TMEM230: variants seen among roughly 807,000 people sequenced by gnomAD.
The protein encoded by TMEM230 is transmembrane protein 230.
A neutral mutation model predicts 15.8 loss-of-function variants in TMEM230; 10 were observed. The ratio of observed to expected loss-of-function variants is 0.63; its 90% CI spans 0.39 to 1.07. The LOEUF is 1.07. TMEM230 is among the 50% of genes least tolerant of loss of function. TMEM230 has a pLI of 0.01. For synonymous variants in TMEM230, 67 were observed against 76.9 expected (o/e 0.87, Z 0.68); for missense variants, 165 against 193.3 (o/e 0.85, Z 0.87).
intron 3 of TMEM230, among the ~76,000 whole-genome samples, chr20:5,091,806 T>C (rs1250726847): frequency 1.3e-5 from 2 of 152,180 alleles, no homozygotes; most frequent in African/African-American, 4.8e-5. Context: ...TCAAGGTGAC[T>C]TGATATGCAA....
At chr20:5,068,304 T>C (rs2088712190), downstream of TMEM230, 1 of 152,192 alleles carries the variant, frequency 6.6e-6, no homozygotes. Flanking sequence ...CTGGAAAACG[T>C]AGCTTTTCTA....
At chr20:5,092,273 GA>G (rs2089531315) in intron 3 of TMEM230, among the ~76,000 whole-genome samples, 1 of 152,184 alleles carries the variant, frequency 6.6e-6, no homozygotes, top group African/African-American at 2.4e-5. Context: ...TCGATGTTCA[GA>G]ATGAGGAGTC....
chr20:5,094,682 G>T (rs1375841488), intron 3 of TMEM230, among the ~76,000 whole-genome samples: 1 of 127,748 alleles, frequency 7.8e-6, no homozygotes, highest in Non-Finnish European at 1.6e-5. Context: ...ACTCCAGCCT[G>T]GGACAGAGCT....
intron 3 of TMEM230, among the ~76,000 whole-genome samples, chr20:5,082,222 TTCTCTCTCTCTTTCTCTCTC>T (rs1463971902): frequency 8.3e-6 from 1 of 120,378 alleles, no homozygotes; most frequent in African/African-American, 2.7e-5. Flanking sequence ...AAAGCCTTGT[TTCTCTCTCTCTTTCTCTCTC>T]TCTCTCTCTC....
At chr20:5,075,134 C>T (rs1442428541) in intron 3 of TMEM230, among the ~76,000 whole-genome samples, 3 of 151,078 alleles carry the variant, frequency 2.0e-5, no homozygotes, top group South Asian at 2.1e-4. Flanking sequence ...GGCACGATCT[C>T]GGCTCACTGC....
At chr20:5,083,363 A>G (rs2089240776) in intron 3 of TMEM230, among the ~76,000 whole-genome samples, 1 of 139,514 alleles carries the variant, frequency 7.2e-6, no homozygotes, top group South Asian at 2.2e-4. Flanking sequence ...CTCTCTCTCT[A>G]TTGAGAGAGT....
downstream of TMEM230, among the ~76,000 whole-genome samples, chr20:5,063,277 A>ATTTTTTTTTTTTTTTT (rs1165126313): frequency 1.2e-5 from 1 of 86,412 alleles, no homozygotes; most frequent in African/African-American, 5.6e-5. Context: ...GCTGCTATGA[A>ATTTTTTTTTTTTTTTT]TTTTTTTTTT....
intron 4 of TMEM230, among the ~76,000 whole-genome samples, chr20:5,101,309 C>T (rs769232337): frequency 2.0e-5 from 3 of 152,182 alleles, no homozygotes; most frequent in Non-Finnish European, 4.4e-5. Context: ...TACCTAACTG[C>T]CCCACATACA....
At chr20:5,061,836 T>C in the TMEM230 span, among the ~76,000 whole-genome samples, 2 of 152,148 alleles carry the variant, frequency 1.3e-5, no homozygotes, top group East Asian at 1.9e-4. Flanking sequence ...GTTCACAGCA[T>C]CTGTTCCGGA....
At chr20:5,059,431 A>C in the TMEM230 span, among the ~76,000 whole-genome samples, 15 of 152,264 alleles carry the variant, frequency 9.9e-5, no homozygotes, top group African/African-American at 3.6e-4. Context: ...TGCAAAAAAA[A>C]CTTGTATGTA....
the TMEM230 span, among the ~76,000 whole-genome samples, chr20:5,062,138 C>A: frequency 6.6e-6 from 1 of 151,862 alleles, no homozygotes; most frequent in African/African-American, 2.4e-5. Context: ...GAGAGAATCG[C>A]TTGAGCCTAG....
At chr20:5,112,696 C>A (rs1274004694) in intron 1 of TMEM230, 1 of 1,415,502 alleles carries the variant, frequency 7.1e-7, no homozygotes, top group African/African-American at 1.4e-5. Context: ...AAACGTTTGG[C>A]ACACAGTGCC....
exon 4 of TMEM230, chr20:5,069,166 T>C (rs1337323288): frequency 6.6e-7 from 1 of 1,512,490 alleles, no homozygotes; most frequent in South Asian, 1.2e-5. Context: ...AAGATGCTTA[T>C]CTCAAATTAG....
chr20:5,061,989 G>A, the TMEM230 span, among the ~76,000 whole-genome samples: 1 of 152,100 alleles, frequency 6.6e-6, no homozygotes, highest in Non-Finnish European at 1.5e-5. Context: ...GAGAGGCCGA[G>A]GCGGGCAGAT....
At chr20:5,112,934 C>A (rs766381879) in intron 1 of TMEM230, 27 bp downstream of exon 1, 13 of 1,549,518 alleles carry the variant, frequency 8.4e-6, no homozygotes, top group Non-Finnish European at 1.0e-5. Context: ...ACGGTTCTGT[C>A]CCCGCCCTGC....
intron 1 of TMEM230, among the ~76,000 whole-genome samples, chr20:5,112,545 G>A (rs116086359): frequency 1.9e-3 from 290 of 152,336 alleles, no homozygotes; most frequent in African/African-American, 6.5e-3. Context: ...TCTTGGCAAA[G>A]AGGATTCTAA....
chr20:5,110,409 T>C (rs2090265726), intron 2 of TMEM230, among the ~76,000 whole-genome samples: 1 of 151,940 alleles, frequency 6.6e-6, no homozygotes, highest in Admixed American at 6.6e-5. Flanking sequence ...CTCAGCCTCC[T>C]GAGTAGCTGG....
chr20:5,077,066 G>A (rs2089026290), intron 3 of TMEM230, among the ~76,000 whole-genome samples: 1 of 151,842 alleles, frequency 6.6e-6, no homozygotes, highest in Admixed American at 6.6e-5. Flanking sequence ...AGCACTTTGA[G>A]AGGCCAAGGC....
chr20:5,097,969 A>ATTT (rs5840073), downstream of TMEM230, among the ~76,000 whole-genome samples: 97 of 67,252 alleles, frequency 1.4e-3, 17 homozygotes, highest in East Asian at 9.8e-3. Flanking sequence ...CTAACTCAGG[A>ATTT]TTTTTTTTTT....
Sources: allele counts gnomAD v4.1 joint callset (sites outside exome capture counted in the v4.1 genomes callset), GRCh38; gene constraint gnomAD v4.1.1; transcripts MANE v1.5; gene names NCBI Gene and HGNC (gene_info 2026-07-23, HGNC 2026-07-21).